Variants in RABGAP1 observed in about 807,000 individuals in gnomAD.
RABGAP1 encodes RAB GTPase activating protein 1, also known as rab GTPase-activating protein 1.
Under a neutral mutation model 137.6 loss-of-function variants are expected in RABGAP1, and 23 were observed. That is an observed-to-expected ratio of 0.17 (90% confidence interval 0.12 to 0.24). The LOEUF is 0.24. RABGAP1 is among the 10% of genes least tolerant of loss of function. The pLI is 1.00. For missense variants in RABGAP1, 906 were observed against 1,275.8 expected (o/e 0.71, Z 4.42); for synonymous variants, 451 against 450.7 (o/e 1.00, Z -0.01).
intron 14 of RABGAP1, among the ~76,000 whole-genome samples, chr9:123,068,223 A>G (rs899353454): frequency 6.6e-6 from 1 of 151,884 alleles, no homozygotes; most frequent in African/African-American, 2.4e-5. Context: ...GGTGGTGGGC[A>G]TATGTAATCC....
intron 13 of RABGAP1, chr9:123,062,470 T>C (rs1399803181): frequency 3.9e-5 from 6 of 152,250 alleles, no homozygotes; most frequent in Non-Finnish European, 1.5e-5. Flanking sequence ...CACTTTTGCA[T>C]GATGTGGCCT....
chr9:123,047,495 A>C (rs1034283152), intron 13 of RABGAP1, among the ~76,000 whole-genome samples: 12 of 152,170 alleles, frequency 7.9e-5, no homozygotes, highest in African/African-American at 2.9e-4. Context: ...GCTTGGGATT[A>C]TTTCCTATGT....
intron 13 of RABGAP1, among the ~76,000 whole-genome samples, chr9:123,037,350 A>G (rs962219366): frequency 1.1e-4 from 16 of 152,304 alleles, no homozygotes; most frequent in African/African-American, 3.6e-4. Flanking sequence ...TTCAAACTTC[A>G]GATTCTGGGT....
At chr9:123,011,204 A>T (rs2030776533) in intron 11 of RABGAP1, among the ~76,000 whole-genome samples, 1 of 152,208 alleles carries the variant, frequency 6.6e-6, no homozygotes, top group Non-Finnish European at 1.5e-5. Context: ...CATGTGAGCC[A>T]TGCATCTATA....
At chr9:123,011,683 C>T (rs1024929167) in intron 11 of RABGAP1, among the ~76,000 whole-genome samples, 4 of 152,172 alleles carry the variant, frequency 2.6e-5, no homozygotes, top group African/African-American at 9.7e-5. Context: ...TCTGGCCAGG[C>T]ACGGTGGCTC....
intron 2 of RABGAP1, among the ~76,000 whole-genome samples, chr9:122,965,286 A>G (rs79944295): frequency 0.016 from 2,427 of 152,302 alleles, 36 homozygotes; most frequent in South Asian, 0.066. Flanking sequence ...ATCTTTAGAG[A>G]CAGAAAATTA....
In RABGAP1 at chr9:123,044,447, G is replaced by A. The variant is rs1465343270; in HGVS notation, c.1795-20901G>A. 3.3e-5 allele frequency among the ~76,000 whole-genome samples: 5 copies of A among 152,172 alleles called. No individual in the cohort carries two copies. In the East Asian group the frequency reaches 9.6e-4, roughly 29 times the overall value. On this transcript the variant is annotated intron_variant, in intron 13 of 25. Coordinates refer to ENST00000373647, the MANE Select transcript of RABGAP1 (RefSeq NM_012197.4). ...GTCCCTCTTTTCCAATTATGGGAAT[G>A]GAGTTTTGGGTCTTTAAGACCTTTT...
At chr9:123,029,292 GTTAA>G (rs939955510) in intron 13 of RABGAP1, 117 of 562,460 alleles carry the variant, frequency 2.1e-4, no homozygotes, top group African/African-American at 7.8e-4. Flanking sequence ...AAAATAATAT[GTTAA>G]TTAATCAATG....
At chr9:123,058,644 A>G (rs1363277183) in intron 13 of RABGAP1, among the ~76,000 whole-genome samples, 1 of 152,156 alleles carries the variant, frequency 6.6e-6, no homozygotes, top group African/African-American at 2.4e-5. Context: ...GTTAATTCTC[A>G]GTATTTGTTT....
chr9:122,961,096 GA>G (rs1018066459), intron 2 of RABGAP1, among the ~76,000 whole-genome samples: 2 of 151,520 alleles, frequency 1.3e-5, no homozygotes, highest in Non-Finnish European at 2.9e-5. Flanking sequence ...GAAATGACTA[GA>G]AAAAAAATTT....
At chr9:123,023,576 A>G (rs919740068) in intron 13 of RABGAP1, among the ~76,000 whole-genome samples, 2 of 151,956 alleles carry the variant, frequency 1.3e-5, no homozygotes, top group Non-Finnish European at 2.9e-5. Flanking sequence ...GTGTATCAGT[A>G]GCTTGTTTTT....
At chr9:123,002,463 C>T (rs1837373768) in intron 10 of RABGAP1, among the ~76,000 whole-genome samples, 1 of 150,646 alleles carries the variant, frequency 6.6e-6, no homozygotes, top group African/African-American at 2.4e-5. Flanking sequence ...CATTCTAACC[C>T]TTTAATCTCA....
At chr9:123,034,508 T>C (rs2032500415) in intron 13 of RABGAP1, 2 of 1,078,190 alleles carry the variant, frequency 1.9e-6, no homozygotes, top group Admixed American at 2.1e-5. Flanking sequence ...GCTGCTTCTT[T>C]GAACTGTTGG....
At chr9:122,993,409 T>G (rs1450151004) in intron 6 of RABGAP1, among the ~76,000 whole-genome samples, 1 of 152,066 alleles carries the variant, frequency 6.6e-6, no homozygotes, top group Non-Finnish European at 1.5e-5. Context: ...GTAGCTGGAA[T>G]TATAGGTGCC....
At position 122,986,431 on chromosome 9, in the gene RABGAP1, T is replaced by G; in HGVS notation, c.590+12T>G. On this transcript the variant is annotated intron_variant, in intron 4 of 25. Coordinates refer to ENST00000373647, the MANE Select transcript of RABGAP1 (RefSeq NM_012197.4). ...GAAGGAATTGTGAGGTGAGACTGGT[T>G]TGTTGAAATCTTTCGATATTTACAT... The G allele has an allele frequency of 1.2e-6, 2 of 1,612,044 alleles. No individual in the cohort carries two copies. The highest frequency in any genetic ancestry group is 1.7e-6 in the Non-Finnish European group (2 of 1,178,120).
chr9:123,007,771 A>T (rs1233259993), intron 10 of RABGAP1, among the ~76,000 whole-genome samples: 1 of 150,464 alleles, frequency 6.6e-6, no homozygotes, highest in African/African-American at 2.4e-5. Context: ...GAGTCATCTT[A>T]TCCAGGAACA....
intron 13 of RABGAP1, among the ~76,000 whole-genome samples, chr9:123,047,247 G>A (rs532072906): frequency 6.6e-6 from 1 of 152,244 alleles, no homozygotes; most frequent in East Asian, 1.9e-4. Context: ...CCTCAGAAAT[G>A]TTTGTTCGAG....
In RABGAP1 at chr9:123,103,493, C is replaced by A; in HGVS notation, c.*280C>A. Reference sequence around the variant, plus strand: ...CAGGCCTCTTCCCCGTGTACGTCAACACCTCACCCAGCCTAAAGGCTGAGT... The same window carrying A: ...CAGGCCTCTTCCCCGTGTACGTCAAAACCTCACCCAGCCTAAAGGCTGAGT... On this transcript the variant is annotated 3_prime_UTR_variant, in exon 26 of 26. Transcript: ENST00000373647. 4.5e-6 allele frequency: 1 copy of A among 221,018 alleles called. No homozygotes were observed. 13.7% of individuals were successfully genotyped at this position (221,018 alleles called of 1,614,324 possible).
intron 3 of RABGAP1, among the ~76,000 whole-genome samples, chr9:122,984,998 G>A (rs4140991): frequency 0.035 from 16 of 460 alleles, no homozygotes; most frequent in Non-Finnish European, 0.25. Flanking sequence ...TTTCCCCCCA[G>A]GAATGCTTAA....
Sources: allele counts gnomAD v4.1 joint callset (sites outside exome capture counted in the v4.1 genomes callset), GRCh38; gene constraint gnomAD v4.1.1; transcripts MANE v1.5; gene names NCBI Gene and HGNC (gene_info 2026-07-23, HGNC 2026-07-21).